Variants in ARK2C observed in about 807,000 individuals in gnomAD.
ARK2C encodes the protein arkadia (RNF111) C-terminal like ring finger ubiquitin ligase 2C.
chr18:46,410,252 A>C, the ARK2C span, among the ~76,000 whole-genome samples: 1 of 151,996 alleles, frequency 6.6e-6, no homozygotes, highest in Admixed American at 6.5e-5. Flanking sequence ...GCTTCCTCTC[A>C]CCTTGGCTTT....
the ARK2C span, among the ~76,000 whole-genome samples, chr18:46,380,079 T>G: frequency 3.9e-3 from 587 of 152,342 alleles, 4 homozygotes; most frequent in African/African-American, 0.014. Context: ...CGGGTTAAAC[T>G]TTTTAGAAAC....
the ARK2C span, among the ~76,000 whole-genome samples, chr18:46,403,971 T>G: frequency 3.3e-5 from 5 of 152,190 alleles, no homozygotes; most frequent in African/African-American, 7.2e-5. Context: ...AGCTCATTCT[T>G]TAGGGGATTC....
the ARK2C span, chr18:46,450,655 G>A: frequency 7.2e-7 from 1 of 1,395,096 alleles, no homozygotes; most frequent in Non-Finnish European, 1.0e-6. Flanking sequence ...GTGTGCATGT[G>A]GGCATTTATA....
the ARK2C span, among the ~76,000 whole-genome samples, chr18:46,379,077 G>A: frequency 2.0e-5 from 3 of 152,234 alleles, no homozygotes; most frequent in East Asian, 3.9e-4. Context: ...GTGTGTGGGT[G>A]TTGGGGGCAA....
chr18:46,337,481 T>C, the ARK2C span: 1 of 985,456 alleles, frequency 1.0e-6, no homozygotes, highest in Non-Finnish European at 1.2e-6. Context: ...ACTGTGGTCG[T>C]GTAGCCCGGG....
At chr18:46,344,366 G>A in the ARK2C span, among the ~76,000 whole-genome samples, 5 of 43,632 alleles carry the variant, frequency 1.1e-4, no homozygotes, top group Non-Finnish European at 2.6e-4. Context: ...TTCTCCCCCC[G>A]CCCCCAGCTA....
the ARK2C span, among the ~76,000 whole-genome samples, chr18:46,443,927 G>C: frequency 1.3e-5 from 2 of 152,122 alleles, no homozygotes; most frequent in Non-Finnish European, 2.9e-5. Context: ...ACTTCTTGTA[G>C]TAACAGTCTC....
the ARK2C span, chr18:46,447,760 C>T: frequency 1.9e-6 from 3 of 1,591,576 alleles, no homozygotes; most frequent in East Asian, 2.2e-5. Context: ...CCTGCGGTCC[C>T]CTGTGCCCTG....
At chr18:46,339,763 C>G in the ARK2C span, among the ~76,000 whole-genome samples, 1 of 152,340 alleles carries the variant, frequency 6.6e-6, no homozygotes, top group East Asian at 1.9e-4. Context: ...CGCAAACCAG[C>G]AAATACTATT....
At chr18:46,385,661 T>G in the ARK2C span, 1 of 152,164 alleles carries the variant, frequency 6.6e-6, no homozygotes, top group Non-Finnish European at 1.5e-5. Flanking sequence ...CTGTCCCCCT[T>G]TGGAGCATGA....
the ARK2C span, among the ~76,000 whole-genome samples, chr18:46,384,181 C>T: frequency 6.6e-6 from 1 of 152,200 alleles, no homozygotes; most frequent in Non-Finnish European, 1.5e-5. Flanking sequence ...GTGCTTCCAG[C>T]CCAACCTCAT....
chr18:46,405,159 G>C, the ARK2C span, among the ~76,000 whole-genome samples: 1 of 152,174 alleles, frequency 6.6e-6, no homozygotes, highest in Non-Finnish European at 1.5e-5. Flanking sequence ...TGGCATACTG[G>C]TGGGGTTGCT....
chr18:46,334,669 ACCGTGT>A, the ARK2C span: 1 of 365,810 alleles, frequency 2.7e-6, no homozygotes, highest in Admixed American at 5.4e-5. The surrounding 1 kb of genome is among the most constrained non-coding windows in gnomAD (Gnocchi z 4.4). Context: ...AAGATACATG[ACCGTGT>A]GTGTGTGTGT....
At chr18:46,431,876 C>T in the ARK2C span, among the ~76,000 whole-genome samples, 1 of 152,352 alleles carries the variant, frequency 6.6e-6, no homozygotes, top group Non-Finnish European at 1.5e-5. Context: ...TGCAGCAAGA[C>T]TTGTCCATTC....
chr18:46,402,352 T>G, the ARK2C span, among the ~76,000 whole-genome samples: 3 of 152,204 alleles, frequency 2.0e-5, no homozygotes, highest in Non-Finnish European at 4.4e-5. Context: ...CCAGCTCCAA[T>G]GGAATTGCTA....
chr18:46,391,784 A>G, the ARK2C span, among the ~76,000 whole-genome samples: 1 of 151,516 alleles, frequency 6.6e-6, no homozygotes, highest in South Asian at 2.1e-4. Flanking sequence ...ACTATACAAT[A>G]CATCCACACA....
At chr18:46,349,050 C>T in the ARK2C span, among the ~76,000 whole-genome samples, 1 of 151,826 alleles carries the variant, frequency 6.6e-6, no homozygotes, top group African/African-American at 2.4e-5. Context: ...GAAGCAACTC[C>T]CTTATACTGT....
chr18:46,360,706 G>A, the ARK2C span, among the ~76,000 whole-genome samples: 1 of 152,144 alleles, frequency 6.6e-6, no homozygotes. Flanking sequence ...CCCTGCCCCT[G>A]GCCTGCCTTC....
At chr18:46,457,135 C>T in the ARK2C span, 3,167 of 153,078 alleles carry the variant, frequency 0.021, 69 homozygotes, top group Admixed American at 0.05. Flanking sequence ...TTACCGAATT[C>T]GCACCAAATA....
Sources: gnomAD v4.1 joint callset for allele counts (sites outside exome capture counted in the v4.1 genomes callset) on GRCh38, gnomAD v4.1.1 for gene constraint, Gnocchi (gnomAD v3.1) non-coding constraint, MANE v1.5 for transcripts, NCBI Gene and HGNC (gene_info 2026-07-23, HGNC 2026-07-21) for gene names.